Variants in XPR1 observed in about 807,000 individuals in gnomAD.
XPR1 encodes the protein solute carrier family 53 member 1.
XPR1 carries 28 observed loss-of-function variants against 87.5 expected under a neutral mutation model. That is an observed-to-expected ratio of 0.32 (90% CI 0.24 to 0.44). The LOEUF is 0.44. XPR1 is among the 20% of genes least tolerant of loss of function. The pLI is 1.00. For missense variants in XPR1, 559 were observed against 862.3 expected (o/e 0.65, Z 4.41); for synonymous variants, 300 against 306.1 (o/e 0.98, Z 0.21).
intron 12 of XPR1, 150 bp from the exon 13 acceptor site, chr1:180,873,653 T>C: frequency 1.2e-6 from 1 of 835,910 alleles, no homozygotes. Flanking sequence ...AATGTGTACT[T>C]CCCTGCAAAA....
In XPR1 at chr1:180,714,349, T is replaced by TTCTCTCTCTCTC. The variant is rs71121047; in HGVS notation, c.121+31980_121+31991dup. Reference sequence around the variant, plus strand: ...ATTTTTCTCTCATATTTTTTCCCTGTTCTCTCTCTCTCTCTCTCTCTCTCT... The same window carrying TTCTCTCTCTCTC: ...ATTTTTCTCTCATATTTTTTCCCTGTTCTCTCTCTCTCTCTCTCTCTCTCTCTCTCTCTCTCT... On this transcript the variant is annotated intron_variant, in intron 2 of 14. Coordinates refer to ENST00000367590, the MANE Select transcript of XPR1 (RefSeq NM_004736.4). Among the ~76,000 whole-genome samples the TTCTCTCTCTCTC allele has an allele frequency of 2.6e-3, 188 of 72,132 alleles. 2 individuals carry two copies. The highest frequency in any genetic ancestry group is 0.01 in the Middle Eastern group (1 of 98). The allele number at this position is 72,132 out of a possible 152,430, so 47.3% of individuals were successfully genotyped here.
At chr1:180,764,748 G>A (rs1030228956) in intron 2 of XPR1, among the ~76,000 whole-genome samples, 1 of 150,778 alleles carries the variant, frequency 6.6e-6, no homozygotes, top group Non-Finnish European at 1.5e-5. Context: ...GGGATTACAG[G>A]TATGAGCCAC....
At chr1:180,865,665 A>G (rs916490634) in intron 12 of XPR1, among the ~76,000 whole-genome samples, 2 of 152,118 alleles carry the variant, frequency 1.3e-5, no homozygotes, top group Admixed American at 6.5e-5. Flanking sequence ...CTCCCAAAAC[A>G]TTTGTTTCTT....
intron 7 of XPR1, among the ~76,000 whole-genome samples, chr1:180,824,457 T>C (rs1285591655): frequency 2.0e-5 from 3 of 152,112 alleles, no homozygotes; most frequent in Non-Finnish European, 2.9e-5. Context: ...GGTGCGTGCC[T>C]GTAATCCCAG....
intron 3 of XPR1, among the ~76,000 whole-genome samples, chr1:180,796,994 T>A (rs938626566): frequency 2.0e-5 from 3 of 152,138 alleles, no homozygotes; most frequent in Non-Finnish European, 4.4e-5. Context: ...GATCAGTGTT[T>A]GCCTGGGGTA....
At chr1:180,727,410 G>T (rs1215772324) in intron 2 of XPR1, among the ~76,000 whole-genome samples, 1 of 152,098 alleles carries the variant, frequency 6.6e-6, no homozygotes, top group Non-Finnish European at 1.5e-5. Flanking sequence ...TTGGGAGGCC[G>T]AGGCGGGCAG....
At chr1:180,883,252 C>T (rs755309925) in intron 14 of XPR1, among the ~76,000 whole-genome samples, 1 of 151,580 alleles carries the variant, frequency 6.6e-6, no homozygotes, top group Non-Finnish European at 1.5e-5. Context: ...AGGAACCAGC[C>T]AGTTTCTTAA....
intron 7 of XPR1, 134 bp downstream of exon 7, chr1:180,811,622 C>T: frequency 3.0e-6 from 2 of 670,220 alleles, no homozygotes; most frequent in Non-Finnish European, 4.6e-6. Flanking sequence ...AGTTTTTTGT[C>T]CTTATAAATG....
chr1:180,786,522 G>T (rs1041020864), intron 2 of XPR1, among the ~76,000 whole-genome samples: 1 of 152,104 alleles, frequency 6.6e-6, no homozygotes, highest in African/African-American at 2.4e-5. Context: ...AGTCTAAATA[G>T]ATCTCACTTG....
At chr1:180,774,485 G>T (rs1344214212) in intron 2 of XPR1, among the ~76,000 whole-genome samples, 1 of 150,578 alleles carries the variant, frequency 6.6e-6, no homozygotes, top group African/African-American at 2.4e-5. Context: ...CCGCCTCCCG[G>T]GTTCATGCCA....
intron 2 of XPR1, among the ~76,000 whole-genome samples, chr1:180,704,848 A>T (rs950677719): frequency 9.1e-6 from 1 of 110,070 alleles, no homozygotes; most frequent in Admixed American, 1.1e-4. Context: ...TTAAGTAATA[A>T]TCATGGAATC....
At chr1:180,782,261 C>T (rs1205972953) in intron 2 of XPR1, among the ~76,000 whole-genome samples, 2 of 151,824 alleles carry the variant, frequency 1.3e-5, no homozygotes, top group African/African-American at 4.8e-5. Context: ...TAGGCTTAGT[C>T]TTTTGTGACT....
At chr1:180,851,494 G>A (rs769148480) in intron 11 of XPR1, among the ~76,000 whole-genome samples, 3 of 152,082 alleles carry the variant, frequency 2.0e-5, no homozygotes, top group Non-Finnish European at 4.4e-5. Context: ...ACCAGAAAAG[G>A]CACAAACTCC....
At chr1:180,739,572 T>C (rs1009670142) in intron 2 of XPR1, among the ~76,000 whole-genome samples, 6 of 152,310 alleles carry the variant, frequency 3.9e-5, no homozygotes, top group African/African-American at 1.4e-4. Context: ...ATGGAAAGTG[T>C]CTCCATTTAG....
intron 2 of XPR1, among the ~76,000 whole-genome samples, chr1:180,696,202 G>GTATATATATATA (rs1483808394): frequency 9.4e-6 from 1 of 106,342 alleles, no homozygotes; most frequent in African/African-American, 4.1e-5. Flanking sequence ...GTGTGTGTGT[G>GTATATATATATA]TGTGTGTATA....
At chr1:180,783,359 C>T (rs1232725183) in intron 2 of XPR1, among the ~76,000 whole-genome samples, 1 of 151,780 alleles carries the variant, frequency 6.6e-6, no homozygotes, top group African/African-American at 2.4e-5. Flanking sequence ...TTTTTTTCTT[C>T]CAGTTAATAA....
intron 13 of XPR1, among the ~76,000 whole-genome samples, chr1:180,879,224 C>A (rs1652765361): frequency 6.6e-6 from 1 of 152,116 alleles, no homozygotes; most frequent in South Asian, 2.1e-4. Context: ...TTTAAGTCAC[C>A]ATCATCTCTT....
At chr1:180,771,593 A>C (rs1648515989) in intron 2 of XPR1, among the ~76,000 whole-genome samples, 1 of 152,110 alleles carries the variant, frequency 6.6e-6, no homozygotes, top group Non-Finnish European at 1.5e-5. Flanking sequence ...GGTTGTTGTG[A>C]CTCTTCAGTA....
intron 2 of XPR1, among the ~76,000 whole-genome samples, chr1:180,719,563 T>C (rs1447217076): frequency 6.6e-6 from 1 of 152,258 alleles, no homozygotes; most frequent in African/African-American, 2.4e-5. Flanking sequence ...TGTTGCTTTC[T>C]GGCTTTGGTA....
Sources: allele counts gnomAD v4.1 joint callset (sites outside exome capture counted in the v4.1 genomes callset), GRCh38; gene constraint gnomAD v4.1.1; transcripts MANE v1.5; gene names NCBI Gene and HGNC (gene_info 2026-07-23, HGNC 2026-07-21).